REXO2: variants seen among roughly 807,000 people sequenced by gnomAD.
REXO2 encodes RNA exonuclease 2, also known as oligoribonuclease, mitochondrial.
In REXO2, 17 loss-of-function variants were observed where a neutral mutation model predicts 30.9. That is an observed-to-expected ratio of 0.55 (90% CI 0.38 to 0.82). The LOEUF is 0.82. REXO2 is among the 40% of genes least tolerant of loss of function. The pLI is 0.00. For synonymous variants in REXO2, 105 were observed against 99.6 expected (o/e 1.05, Z -0.32); for missense variants, 253 against 293.2 (o/e 0.86, Z 1.00).
At chr11:114,441,045 G>C (rs1332720843) in intron 2 of REXO2, 1 of 217,456 alleles carries the variant, frequency 4.6e-6, no homozygotes, top group Non-Finnish European at 9.0e-6. Context: ...ATATGTCTTT[G>C]TTCTTAGTTC....
chr11:114,440,838 A>G, intron 2 of REXO2, 99 bp downstream of exon 2: 1 of 936,544 alleles, frequency 1.1e-6, no homozygotes. Flanking sequence ...AAGAAAGTTG[A>G]GGTCTATATG....
At chr11:114,447,076 C>G (rs1231968624) in intron 5 of REXO2, among the ~76,000 whole-genome samples, 1 of 151,812 alleles carries the variant, frequency 6.6e-6, no homozygotes, top group Non-Finnish European at 1.5e-5. Context: ...GTAGCTGGGA[C>G]TACAGGCGCC....
intron 2 of REXO2, chr11:114,441,769 T>C (rs547792808): frequency 1.5e-4 from 108 of 702,308 alleles, no homozygotes; most frequent in South Asian, 1.5e-3. Context: ...GACGTATTTC[T>C]AGATTAATGA....
chr11:114,443,831 G>A lies in REXO2; in HGVS notation c.232-25G>A, dbSNP rs186799877. 174 of 1,567,610 alleles carry A rather than the reference G, an allele frequency of 1.1e-4. No individual in the cohort carries two copies. The African/African-American group carries it at 2.2e-3, about 20-fold the overall frequency. On this transcript the variant is annotated intron_variant, in intron 2 of 6. Transcript: ENST00000265881. ...AAGGTTATTCCTGTTGTTTCTTGGT[G>A]ACTGATGGCGTTTCCCATCCACAGG...
rs113863212 is a variant in REXO2 at position 114,444,477 on chromosome 11, G to A, written c.310-64G>A. Reference sequence around the variant, plus strand: ...ATTTTAAAAGTGAAATTTCATTTCTGGATGCCTTTGAAAACTGACTTTACA... The same window carrying A: ...ATTTTAAAAGTGAAATTTCATTTCTAGATGCCTTTGAAAACTGACTTTACA... On this transcript the variant is annotated intron_variant, in intron 3 of 6. Transcript: ENST00000265881. 4.5e-5 allele frequency: 51 copies of A among 1,137,156 alleles called. 2 individuals are homozygous for A. In the African/African-American group the frequency reaches 6.3e-4, roughly 14 times the overall value. The allele number at this position is 1,137,156 out of a possible 1,614,324, so 70.4% of individuals were successfully genotyped here.
At position 114,440,704 on chromosome 11, in the gene REXO2, C is replaced by T. The variant is rs1353857729; in HGVS notation, c.196C>T (p.Leu66=). 6.2e-7 allele frequency: 1 copy of T among 1,613,866 alleles called. No homozygotes were observed. The highest frequency in any genetic ancestry group is 8.5e-7 in the Non-Finnish European group (1 of 1,179,848). The change falls in exon 2 of 7, where the codon CTG becomes TTG. Residue 66 remains leucine (L), a synonymous_variant. Transcript: ENST00000265881. ...EKDQIIEMAC[L]ITDSDLNILA... is the part of the protein sequence containing the mutation. ...GGACCAGATTATTGAGATGGCCTGT[C>T]TGATAACTGACTCTGATCTCAACAT... is the stretch of plus-strand genomic sequence containing the variant.
chr11:114,449,238 G>A (rs889402264), intron 6 of REXO2: 1 of 152,204 alleles, frequency 6.6e-6, no homozygotes, highest in Non-Finnish European at 1.5e-5. Context: ...GGTATGGTTA[G>A]GTACTGTTTG....
chr11:114,439,558 G>A lies in REXO2; in HGVS notation c.30G>A (p.Leu10=), dbSNP rs1391668919. Residue 10 remains leucine, a synonymous_variant, in exon 1 of 7, where the codon CTG becomes CTA. Transcript: ENST00000265881. The part of the protein sequence containing the change: MLGGSLGSR[L]LRGVGGSHGR... The stretch of plus-strand genomic sequence containing the variant: ...TAGGCGGCTCCCTGGGCTCCAGGCT[G>A]TTGCGGGGTGTAGGTGGGAGTCACG... 1.9e-6 allele frequency: 3 copies of A among 1,609,252 alleles called. No homozygotes were observed.
intron 3 of REXO2, chr11:114,444,283 AT>A (rs1161793516): frequency 4.8e-6 from 3 of 626,752 alleles, no homozygotes; most frequent in Non-Finnish European, 8.9e-6. Flanking sequence ...CCAGAGGTTA[AT>A]ATCCTTGGAC....
intron 5 of REXO2, among the ~76,000 whole-genome samples, chr11:114,447,273 A>G (rs1430745731): frequency 6.6e-6 from 1 of 152,184 alleles, no homozygotes; most frequent in Non-Finnish European, 1.5e-5. Context: ...GAACTGGAGA[A>G]AGGGCAGGGC....
intron 1 of REXO2, chr11:114,440,206 T>A: frequency 2.2e-6 from 1 of 449,642 alleles, no homozygotes; most frequent in Non-Finnish European, 4.4e-6. Context: ...CCCTTCAGGC[T>A]TTCCATGCCC....
rs759580715 is a variant in REXO2, at chr11:114,439,706, G to C, written c.147+31G>C. ...TGAGGTCGGCGGGGGGCTTGGGGAGGCGAGTGAGGTTTCGCTCGTGGAACC... is the reference window on the plus strand; with the variant it reads ...TGAGGTCGGCGGGGGGCTTGGGGAGCCGAGTGAGGTTTCGCTCGTGGAACC... On this transcript the variant is annotated intron_variant, in intron 1 of 6. Transcript: ENST00000265881. The C allele has an allele frequency of 1.0e-5, 15 of 1,459,970 alleles. No individual in the cohort carries two copies. The South Asian group carries it at 2.1e-4, about 21-fold the overall frequency. The allele number at this position is 1,459,970 out of a possible 1,614,324, so 90.4% of individuals were successfully genotyped here.
intron 6 of REXO2, among the ~76,000 whole-genome samples, chr11:114,448,676 T>C (rs923848949): frequency 6.6e-6 from 1 of 152,232 alleles, no homozygotes; most frequent in African/African-American, 2.4e-5. Flanking sequence ...TATTATCTTG[T>C]AGCATCCCTA....
Position 114,439,502 on chromosome 11 carries a change from T to G in REXO2, c.-27T>G, listed in dbSNP as rs766388816. The G allele has an allele frequency of 3.7e-6, 6 of 1,600,340 alleles. No individual in the cohort carries two copies. Among genetic ancestry groups the G allele is most frequent in the Non-Finnish European group, 5.1e-6 (6 of 1,178,298 alleles). ...CCTGCGCCAGCGCCGGCTGCGAGAC[T>G]GGGGCCGTGGCTGCTGGTCCCGGGT... is the stretch of plus-strand genomic sequence containing the variant. On this transcript the variant is annotated 5_prime_UTR_variant, in exon 1 of 7. Coordinates refer to ENST00000265881, the MANE Select transcript of REXO2 (RefSeq NM_015523.4).
Position 114,447,772 on chromosome 11 carries a change from G to T in REXO2, c.531-54G>T, listed in dbSNP as rs1311066438. The T allele has an allele frequency of 4.8e-6, 7 of 1,444,504 alleles. No individual in the cohort carries two copies. In the African/African-American group the frequency reaches 5.7e-5, roughly 12 times the overall value. The allele number at this position is 1,444,504 out of a possible 1,614,324, so 89.5% of individuals were successfully genotyped here. ...AATGGATTACTTGAAGGAGGTAATT[G>T]TTCAGTATATTTGAGACAGCTTCCT... On this transcript the variant is annotated intron_variant, in intron 5 of 6. Transcript: ENST00000265881.
chr11:114,440,331 T>TAAAC (rs1946467906), intron 1 of REXO2, among the ~76,000 whole-genome samples: 1 of 152,206 alleles, frequency 6.6e-6, no homozygotes, highest in South Asian at 2.1e-4. Context: ...GAAAACTTTG[T>TAAAC]AAACTCTGCA....
chr11:114,442,822 A>G (rs1317231052), intron 2 of REXO2, among the ~76,000 whole-genome samples: 2 of 152,176 alleles, frequency 1.3e-5, no homozygotes, highest in South Asian at 2.1e-4. Context: ...GTTCTATGAA[A>G]TGGAGCTGAG....
At chr11:114,440,600 TA>T (rs908100614) in intron 1 of REXO2, 55 bp from the exon 2 acceptor site, 3 of 1,342,900 alleles carry the variant, frequency 2.2e-6, no homozygotes, top group Non-Finnish European at 2.1e-6. Flanking sequence ...TAAACTTGGG[TA>T]AAAGAGGCCA....
At chr11:114,446,126 T>C in intron 5 of REXO2, 39 bp downstream of exon 5, 1 of 1,110,670 alleles carries the variant, frequency 9.0e-7, no homozygotes, top group South Asian at 1.5e-5. Flanking sequence ...TTACCTCATT[T>C]AGCATGTTTT....
Sources: allele counts gnomAD v4.1 joint callset (sites outside exome capture counted in the v4.1 genomes callset), GRCh38; gene constraint gnomAD v4.1.1; transcripts MANE v1.5; gene names NCBI Gene and HGNC (gene_info 2026-07-23, HGNC 2026-07-21).